The following YES1 variants were observed in gnomAD, a reference collection of about 807,000 sequenced individuals.
YES1 encodes the protein YES proto-oncogene 1, Src family tyrosine kinase.
YES1 carries 39 observed loss-of-function variants against 70.4 expected under a neutral mutation model. The observed-to-expected ratio is 0.55, with a 90% CI of 0.43 to 0.72. The LOEUF (loss-of-function observed/expected upper bound fraction) is 0.72. Ranked by LOEUF, YES1 falls within the 30% of genes least tolerant of loss-of-function variation. The pLI is 0.00. For synonymous variants in YES1, 198 were observed against 218.6 expected (o/e 0.91, Z 0.83); for missense variants, 495 against 644.8 (o/e 0.77, Z 2.52).
chr18:743,514 C>A, intron 6 of YES1, 99 bp from the exon 7 acceptor site: 1 of 1,028,234 alleles, frequency 9.7e-7, no homozygotes, highest in Non-Finnish European at 1.3e-6. Context: ...AAAACAAAAA[C>A]AGAAGTCCTT....
At chr18:747,473 A>G (rs913191835) in intron 4 of YES1, among the ~76,000 whole-genome samples, 2 of 152,210 alleles carry the variant, frequency 1.3e-5, no homozygotes, top group Non-Finnish European at 2.9e-5. Context: ...CTGTCTCAAA[A>G]AAAAGAAGAA....
At chr18:782,237 T>A (rs1237719795) in intron 1 of YES1, among the ~76,000 whole-genome samples, 1 of 152,226 alleles carries the variant, frequency 6.6e-6, no homozygotes, top group Non-Finnish European at 1.5e-5. Flanking sequence ...TTTTCGGCTC[T>A]TCATAAGGTA....
chr18:777,152 G>A (rs1290484463), intron 1 of YES1, among the ~76,000 whole-genome samples: 1 of 152,136 alleles, frequency 6.6e-6, no homozygotes, highest in East Asian at 1.9e-4. Flanking sequence ...TAAGTAGTCT[G>A]GTGCTGGTGA....
At chr18:757,613 G>A (rs556142883) in intron 1 of YES1, among the ~76,000 whole-genome samples, 1 of 152,042 alleles carries the variant, frequency 6.6e-6, no homozygotes, top group East Asian at 1.9e-4. Flanking sequence ...TTGAGGTCAG[G>A]AGTTCAAGAC....
At chr18:749,025 G>A (rs1185076656) in intron 3 of YES1, among the ~76,000 whole-genome samples, 1 of 152,088 alleles carries the variant, frequency 6.6e-6, no homozygotes, top group Non-Finnish European at 1.5e-5. Context: ...GCTAGATGCA[G>A]CGGCATGCAC....
intron 1 of YES1, among the ~76,000 whole-genome samples, chr18:772,628 C>T (rs1045150425): frequency 2.0e-5 from 3 of 151,974 alleles, no homozygotes; most frequent in Non-Finnish European, 4.4e-5. Flanking sequence ...GACAGAGTTT[C>T]ACCATGTTGG....
chr18:764,269 C>G (rs1266627556), intron 1 of YES1, among the ~76,000 whole-genome samples: 1 of 152,132 alleles, frequency 6.6e-6, no homozygotes, highest in East Asian at 1.9e-4. Flanking sequence ...GTTGCCTAGG[C>G]TAGAGCACAA....
rs1414204173 is a variant in YES1 at position 723,797 on chromosome 18, G to A, written c.*627C>T. ...CCATGAACATGAATATTAATGTACT[G>A]CATTATACTTTCAAATTCCACTTCT... On this transcript the variant is annotated 3_prime_UTR_variant, in exon 12 of 12. Transcript: ENST00000314574. The A allele has an allele frequency of 1.3e-5, 2 of 153,034 alleles. No homozygotes were observed. The highest frequency in any genetic ancestry group is 4.8e-5 in the African/African-American group (2 of 41,422). 9.5% of individuals were successfully genotyped at this position (153,034 alleles called of 1,614,324 possible).
At chr18:743,620 T>A (rs993694225) in intron 6 of YES1, among the ~76,000 whole-genome samples, 1 of 152,106 alleles carries the variant, frequency 6.6e-6, no homozygotes, top group Non-Finnish European at 1.5e-5. Context: ...TAAAATTTAT[T>A]TTTAAGGCCG....
At chr18:795,879 C>A (rs919300523) in intron 1 of YES1, among the ~76,000 whole-genome samples, 13 of 149,430 alleles carry the variant, frequency 8.7e-5, no homozygotes, top group Admixed American at 8.7e-4. Context: ...ATGTAACAAA[C>A]CTGCACGTTC....
chr18:782,622 T>A (rs1477449093), intron 1 of YES1, among the ~76,000 whole-genome samples: 1 of 152,230 alleles, frequency 6.6e-6, no homozygotes, highest in Admixed American at 6.5e-5. Context: ...ATCTATGATT[T>A]TAAATCTTAT....
chr18:776,344 C>T (rs1035900409), intron 1 of YES1, among the ~76,000 whole-genome samples: 4 of 152,148 alleles, frequency 2.6e-5, no homozygotes, highest in Non-Finnish European at 5.9e-5. Context: ...CAGGCTCATG[C>T]CACCACGCCT....
chr18:812,536 T>C (rs1907470126), upstream of YES1: 1 of 152,340 alleles, frequency 6.6e-6, no homozygotes, highest in Non-Finnish European at 1.5e-5. Flanking sequence ...TCCGTGTCAC[T>C]TCTCCCGACC....
intron 1 of YES1, among the ~76,000 whole-genome samples, chr18:797,102 G>A (rs1398638410): frequency 6.6e-6 from 1 of 151,998 alleles, no homozygotes; most frequent in East Asian, 1.9e-4. Context: ...AAAAGTCTTT[G>A]CAACATAAAG....
chr18:764,792 G>A (rs1367837883), intron 1 of YES1, among the ~76,000 whole-genome samples: 1 of 151,862 alleles, frequency 6.6e-6, no homozygotes, highest in Non-Finnish European at 1.5e-5. Context: ...GAGTGCAGTG[G>A]CGCGATCTCG....
In YES1 at chr18:802,204, A is replaced by G. The variant is rs140993283; in HGVS notation, c.-9+9910T>C. Among the ~76,000 whole-genome samples, 714 of 152,308 alleles carry G rather than the reference A, an allele frequency of 4.7e-3. 9 individuals are homozygous for G. Among genetic ancestry groups the G allele is most frequent in the African/African-American group, 0.016 (666 of 41,574 alleles). On this transcript the variant is annotated intron_variant, in intron 1 of 11. Transcript: ENST00000314574. ...TTCGAGGCTGTAATGAGCTATGATC[A>G]TGCCACTGCACTCCAGCCTGGGCAA...
chr18:752,935 T>A (rs2080360733), intron 2 of YES1, among the ~76,000 whole-genome samples: 1 of 152,064 alleles, frequency 6.6e-6, no homozygotes, highest in Admixed American at 6.6e-5. Flanking sequence ...ACAGCAAGAC[T>A]CTGTATCAAA....
intron 1 of YES1, among the ~76,000 whole-genome samples, chr18:809,988 G>T (rs552110304): frequency 2.0e-5 from 3 of 148,560 alleles, no homozygotes; most frequent in Non-Finnish European, 4.4e-5. Flanking sequence ...CTATTTTTAC[G>T]TTCACAGAAT....
At position 741,242 on chromosome 18, in the gene YES1, CT is replaced by C. The variant is rs559380772; in HGVS notation, c.1061-1432del. On this transcript the variant is annotated intron_variant, in intron 8 of 11. Transcript: ENST00000314574. The stretch of plus-strand genomic sequence containing the variant: ...TAAACATCTTCCCTGTCCTTTTCTC[CT>C]TTTTTTTTTTTTCTTTTTTGAGACA... Among the ~76,000 whole-genome samples the C allele has an allele frequency of 5.2e-3, 753 of 144,314 alleles. 5 individuals carry two copies. The highest frequency in any genetic ancestry group is 0.013 in the African/African-American group (530 of 39,708). The allele number at this position is 144,314 out of a possible 152,430, so 94.7% of individuals were successfully genotyped here.
Sources: allele counts gnomAD v4.1 joint callset (sites outside exome capture counted in the v4.1 genomes callset), GRCh38; gene constraint gnomAD v4.1.1; transcripts MANE v1.5; gene names NCBI Gene and HGNC (gene_info 2026-07-23, HGNC 2026-07-21).